Variants in PCDHA11 observed in about 807,000 individuals in gnomAD.
The protein encoded by PCDHA11 is protocadherin alpha-11.
Under a neutral mutation model 70.3 loss-of-function variants are expected in PCDHA11, and 61 were observed. The ratio of observed to expected loss-of-function variants is 0.87; its 90% CI spans 0.71 to 1.07. The LOEUF is 1.07. PCDHA11 is among the 50% of genes least tolerant of loss of function. PCDHA11 has a pLI of 0.00. For synonymous variants in PCDHA11, 633 were observed against 555.1 expected (o/e 1.14, Z -1.97); for missense variants, 1,324 against 1,237.5 (o/e 1.07, Z -1.05).
At chr5:140,872,001 AC>A (rs1237580171) in intron 1 of PCDHA11, among the ~76,000 whole-genome samples, 21 of 152,320 alleles carry the variant, frequency 1.4e-4, no homozygotes, top group African/African-American at 5.1e-4. Context: ...GTGGCTATTT[AC>A]AGGTGACCTG....
chr5:140,893,693 T>G (rs868968555), intron 1 of PCDHA11, among the ~76,000 whole-genome samples: 43 of 152,366 alleles, frequency 2.8e-4, no homozygotes, highest in Middle Eastern at 3.4e-3. Context: ...CATCTCATTC[T>G]ATCCTAGCCT....
chr5:140,925,647 A>AATAATAATC (rs1477954591), intron 1 of PCDHA11, among the ~76,000 whole-genome samples: 5 of 123,794 alleles, frequency 4.0e-5, no homozygotes, highest in Non-Finnish European at 7.0e-5. Flanking sequence ...AAAGTATAAT[A>AATAATAATC]ATAATAATAA....
chr5:140,946,377 T>C (rs1554217528), intron 1 of PCDHA11, among the ~76,000 whole-genome samples: 1 of 151,764 alleles, frequency 6.6e-6, no homozygotes, highest in African/African-American at 2.4e-5. Flanking sequence ...TTGCACACGG[T>C]TGGTAGGAAT....
At chr5:141,008,837 C>T (rs1460664317) in intron 3 of PCDHA11, among the ~76,000 whole-genome samples, 10 of 152,178 alleles carry the variant, frequency 6.6e-5, no homozygotes, top group South Asian at 2.1e-4. Flanking sequence ...CATCCTCTTA[C>T]GCTGTGTATT....
chr5:140,874,141 T>C (rs1554167053), intron 1 of PCDHA11, among the ~76,000 whole-genome samples: 1 of 152,248 alleles, frequency 6.6e-6, no homozygotes, highest in South Asian at 2.1e-4. Context: ...TATCTTATAC[T>C]TGTAGAGCCA....
chr5:140,994,528 C>T (rs1331400819), intron 3 of PCDHA11, among the ~76,000 whole-genome samples: 1 of 137,784 alleles, frequency 7.3e-6, no homozygotes, highest in Non-Finnish European at 1.5e-5. Flanking sequence ...CATGGCAAAA[C>T]CCCATCTCTA....
At chr5:140,981,824 C>T (rs1350256595) in intron 2 of PCDHA11, among the ~76,000 whole-genome samples, 4 of 152,108 alleles carry the variant, frequency 2.6e-5, no homozygotes, top group African/African-American at 7.2e-5. Flanking sequence ...CTCTGCTTGC[C>T]TCTAAAGGTC....
At chr5:141,008,206 G>A (rs979113429) in intron 3 of PCDHA11, among the ~76,000 whole-genome samples, 1 of 152,184 alleles carries the variant, frequency 6.6e-6, no homozygotes, top group African/African-American at 2.4e-5. Flanking sequence ...TAATGAACTT[G>A]ACATGAGTTA....
chr5:140,928,033 A>G, intron 1 of PCDHA11: 1 of 1,614,198 alleles, frequency 6.2e-7, no homozygotes, highest in Non-Finnish European at 8.5e-7. Context: ...TGGCATGTCT[A>G]GTGCAGGCCC....
chr5:140,946,327 G>C (rs2093929992), intron 1 of PCDHA11, among the ~76,000 whole-genome samples: 2 of 151,720 alleles, frequency 1.3e-5, no homozygotes, highest in Non-Finnish European at 3.0e-5. Flanking sequence ...AAAGAGGAAA[G>C]ATAACAAGTG....
rs74520967 is a variant in PCDHA11 at position 140,931,074 on chromosome 5, G to A, written c.2392-47875G>A. Among the ~76,000 whole-genome samples, 869 of 152,264 alleles carry A rather than the reference G, an allele frequency of 5.7e-3. 7 individuals are homozygous for A. The highest frequency in any genetic ancestry group is 0.018 in the African/African-American group (768 of 41,552). ...ATGCTGTGTCTGGGACTAAGTATGAGTCCAGTTCTACAGATGACAAAGGAA... is the reference window on the plus strand; with the variant it reads ...ATGCTGTGTCTGGGACTAAGTATGAATCCAGTTCTACAGATGACAAAGGAA... On this transcript the variant is annotated intron_variant, in intron 1 of 3. Coordinates refer to ENST00000398640, the MANE Select transcript of PCDHA11 (RefSeq NM_018902.5).
At chr5:140,996,036 C>T (rs1324761666) in intron 3 of PCDHA11, among the ~76,000 whole-genome samples, 1 of 152,190 alleles carries the variant, frequency 6.6e-6, no homozygotes, top group Non-Finnish European at 1.5e-5. Context: ...GCTCCTAGCA[C>T]TTAACACAGT....
intron 1 of PCDHA11, among the ~76,000 whole-genome samples, chr5:140,963,510 G>A (rs536524403): frequency 1.8e-4 from 28 of 152,328 alleles, no homozygotes; most frequent in Non-Finnish European, 2.8e-4. Flanking sequence ...TCTTGAAGGG[G>A]TTCTCATAAC....
intron 1 of PCDHA11, among the ~76,000 whole-genome samples, chr5:140,873,896 G>T (rs111760299): frequency 6.6e-6 from 1 of 152,112 alleles, no homozygotes; most frequent in African/African-American, 2.4e-5. Context: ...CCTGACCTCA[G>T]GTGATCTGCC....
At chr5:140,899,574 C>T (rs890849786) in intron 1 of PCDHA11, among the ~76,000 whole-genome samples, 2 of 152,112 alleles carry the variant, frequency 1.3e-5, no homozygotes, top group African/African-American at 4.8e-5. Context: ...CTGCTGGATT[C>T]GGTTTGCCAG....
chr5:140,990,822 C>G (rs1273714328), intron 3 of PCDHA11, among the ~76,000 whole-genome samples: 1 of 152,204 alleles, frequency 6.6e-6, no homozygotes. Flanking sequence ...CTTCTCTCAG[C>G]TAAAGCCTAT....
chr5:140,969,399 AT>A, intron 1 of PCDHA11: 1 of 1,580,514 alleles, frequency 6.3e-7, no homozygotes, highest in Non-Finnish European at 8.6e-7. Context: ...ATATCCTGTG[AT>A]TTGGCTTTAT....
chr5:140,877,743 G>C, intron 1 of PCDHA11: 1 of 1,614,148 alleles, frequency 6.2e-7, no homozygotes, highest in Non-Finnish European at 8.5e-7. Flanking sequence ...GGAGGCAGAG[G>C]GTGTGCTCTG....
chr5:140,928,084 C>T (rs782346696), intron 1 of PCDHA11: 2 of 1,614,232 alleles, frequency 1.2e-6, no homozygotes, highest in Non-Finnish European at 1.7e-6. Context: ...CTACAGCCTG[C>T]TGATTGATGG....
Sources: allele counts gnomAD v4.1 joint callset (sites outside exome capture counted in the v4.1 genomes callset), GRCh38; gene constraint gnomAD v4.1.1; transcripts MANE v1.5; gene names NCBI Gene and HGNC (gene_info 2026-07-23, HGNC 2026-07-21).